PDE4B: variants seen among roughly 807,000 people sequenced by gnomAD.
PDE4B encodes 3',5'-cyclic-AMP phosphodiesterase 4B.
In PDE4B, 20 loss-of-function variants were observed where a neutral mutation model predicts 82.2. The observed-to-expected ratio is 0.24, with a 90% CI of 0.17 to 0.35. The LOEUF (loss-of-function observed/expected upper bound fraction) is 0.35, where lower values mean the gene tolerates loss of function less well. Ranked by LOEUF, PDE4B falls within the 10% of genes least tolerant of loss-of-function variation. The pLI is 1.00. For missense variants in PDE4B, 655 were observed against 907.2 expected (o/e 0.72, Z 3.57); for synonymous variants, 320 against 318.9 (o/e 1.00, Z -0.04).
intron 3 of PDE4B, among the ~76,000 whole-genome samples, chr1:66,066,756 C>G (rs911777902): frequency 2.6e-5 from 4 of 151,916 alleles, no homozygotes; most frequent in Non-Finnish European, 4.4e-5. Context: ...GCACATGAAG[C>G]CTATTATTTA....
chr1:65,850,501 A>G (rs946806486), intron 1 of PDE4B, among the ~76,000 whole-genome samples: 3 of 152,156 alleles, frequency 2.0e-5, no homozygotes, highest in African/African-American at 2.4e-5. Flanking sequence ...TGTGGTTTTA[A>G]TTCACAGTCC....
chr1:65,975,404 TA>T (rs919087817), intron 3 of PDE4B, among the ~76,000 whole-genome samples: 1 of 152,170 alleles, frequency 6.6e-6, no homozygotes, highest in African/African-American at 2.4e-5. Flanking sequence ...AACTTATATT[TA>T]AAAGGGAAGT....
chr1:66,198,471 G>GGCATTTA (rs1401394241), intron 3 of PDE4B, among the ~76,000 whole-genome samples: 1 of 152,032 alleles, frequency 6.6e-6, no homozygotes, highest in Admixed American at 6.6e-5. Flanking sequence ...AGCAAAAAGT[G>GGCATTTA]GCATTTATTT....
intron 3 of PDE4B, among the ~76,000 whole-genome samples, chr1:65,975,541 G>C (rs957764456): frequency 6.6e-6 from 1 of 152,200 alleles, no homozygotes; most frequent in Non-Finnish European, 1.5e-5. Flanking sequence ...AATGATAATA[G>C]CCAAGACAAT....
chr1:65,986,517 C>A (rs1468636895), intron 3 of PDE4B, among the ~76,000 whole-genome samples: 1 of 152,224 alleles, frequency 6.6e-6, no homozygotes, highest in African/African-American at 2.4e-5. Context: ...GAAAATGCTA[C>A]TGCTTAATGC....
intron 3 of PDE4B, among the ~76,000 whole-genome samples, chr1:66,144,574 A>G (rs1031187462): frequency 6.6e-6 from 1 of 152,232 alleles, no homozygotes; most frequent in South Asian, 2.1e-4. Flanking sequence ...AAGCATTAAC[A>G]TGACACTCAA....
intron 3 of PDE4B, among the ~76,000 whole-genome samples, chr1:66,035,233 A>G (rs116666611): frequency 0.011 from 1,737 of 152,144 alleles, 36 homozygotes; most frequent in African/African-American, 0.04. Flanking sequence ...ATGGGGTATA[A>G]TGTGATGTTT....
intron 3 of PDE4B, among the ~76,000 whole-genome samples, chr1:66,154,502 C>T (rs1209767591): frequency 2.6e-5 from 4 of 152,160 alleles, no homozygotes; most frequent in African/African-American, 4.8e-5. Flanking sequence ...TGCCTAGGGC[C>T]GTCCTTGATC....
chr1:65,994,403 T>A (rs993630360), intron 3 of PDE4B, among the ~76,000 whole-genome samples: 6 of 152,170 alleles, frequency 3.9e-5, no homozygotes, highest in Non-Finnish European at 7.4e-5. Flanking sequence ...ATTGCAGATT[T>A]TCTTTGGTCA....
chr1:66,209,112 T>G (rs1649809566), intron 3 of PDE4B, among the ~76,000 whole-genome samples: 1 of 152,246 alleles, frequency 6.6e-6, no homozygotes, highest in East Asian at 1.9e-4. Flanking sequence ...CTTTTTCATT[T>G]GTGTTTATAG....
At chr1:65,800,203 G>A (rs1645678981) in intron 1 of PDE4B, among the ~76,000 whole-genome samples, 2 of 152,160 alleles carry the variant, frequency 1.3e-5, no homozygotes, top group Admixed American at 6.5e-5. Flanking sequence ...GGCCAGTATT[G>A]AAATTACTTT....
intron 1 of PDE4B, among the ~76,000 whole-genome samples, chr1:65,892,753 C>T (rs955232401): frequency 1.2e-4 from 18 of 152,020 alleles, no homozygotes; most frequent in African/African-American, 3.6e-4. Context: ...CCTACCCACC[C>T]GCCCCCAATA....
chr1:65,921,008 G>A (rs1161296760), intron 3 of PDE4B, among the ~76,000 whole-genome samples: 10 of 111,232 alleles, frequency 9.0e-5, no homozygotes, highest in African/African-American at 1.0e-4. Flanking sequence ...TCGCTCTGTC[G>A]CCCAGGCTGG....
intron 3 of PDE4B, among the ~76,000 whole-genome samples, chr1:66,240,990 C>A (rs761432646): frequency 2.0e-4 from 30 of 152,212 alleles, no homozygotes; most frequent in African/African-American, 2.2e-4. Context: ...CCTGTGCTAC[C>A]TCTGGTTGAG....
intron 3 of PDE4B, among the ~76,000 whole-genome samples, chr1:66,194,209 C>A (rs867955025): frequency 6.6e-6 from 1 of 152,098 alleles, no homozygotes; most frequent in African/African-American, 2.4e-5. Flanking sequence ...TTCACAATTT[C>A]TTTGTGTCTA....
intron 6 of PDE4B, among the ~76,000 whole-genome samples, chr1:66,262,936 A>G (rs1031857492): frequency 8.5e-5 from 13 of 152,232 alleles, no homozygotes; most frequent in African/African-American, 3.1e-4. Flanking sequence ...TAAAGAAAGT[A>G]GAGATTTCTG....
intron 3 of PDE4B, among the ~76,000 whole-genome samples, chr1:66,188,432 G>A (rs963654446): frequency 4.9e-4 from 74 of 152,056 alleles, no homozygotes; most frequent in African/African-American, 1.7e-3. Flanking sequence ...GTTGACAGTG[G>A]GGTGTTAAAG....
chr1:65,916,853 A>G (rs1275022119), intron 2 of PDE4B, among the ~76,000 whole-genome samples: 2 of 152,312 alleles, frequency 1.3e-5, no homozygotes, highest in African/African-American at 2.4e-5. Context: ...ACACTGATAC[A>G]TTCCAGAATG....
At chr1:66,168,034 T>C (rs1443345713) in intron 3 of PDE4B, among the ~76,000 whole-genome samples, 1 of 152,196 alleles carries the variant, frequency 6.6e-6, no homozygotes, top group Non-Finnish European at 1.5e-5. Flanking sequence ...AGAGTTACCT[T>C]GAACATTCAC....
Sources: gnomAD v4.1 joint callset for allele counts (sites outside exome capture counted in the v4.1 genomes callset) on GRCh38, gnomAD v4.1.1 for gene constraint, MANE v1.5 for transcripts, NCBI Gene and HGNC (gene_info 2026-07-23, HGNC 2026-07-21) for gene names.